MDGA2: variants seen among roughly 807,000 people sequenced by gnomAD.
MDGA2 encodes the protein MAM domain-containing glycosylphosphatidylinositol anchor protein 2.
In MDGA2, 40 loss-of-function variants were observed where a neutral mutation model predicts 117.8. The observed-to-expected ratio is 0.34, with a 90% CI of 0.26 to 0.44. The LOEUF (loss-of-function observed/expected upper bound fraction) is 0.44, where lower values mean the gene tolerates loss of function less well. Ranked by LOEUF, MDGA2 falls within the 20% of genes least tolerant of loss-of-function variation. MDGA2 has a pLI of 1.00. For missense variants in MDGA2, 1,123 were observed against 1,250.6 expected, an observed-to-expected ratio of 0.90 and a Z score of 1.54; for synonymous variants, 452 against 439.0, an observed-to-expected ratio of 1.03 and a Z score of -0.37.
rs570990590 is a variant in MDGA2 at position 47,105,981 on chromosome 14, A to AG, written c.926-8859dup. Among the ~76,000 whole-genome samples, 22 of 107,530 alleles carry AG rather than the reference A, an allele frequency of 2.0e-4. No homozygotes were observed. In the South Asian group the frequency reaches 2.6e-3, roughly 13 times the overall value. 70.5% of individuals were successfully genotyped at this position (107,530 alleles called of 152,430 possible). On this transcript the variant is annotated intron_variant, in intron 5 of 16. Coordinates refer to ENST00000399232, the MANE Select transcript of MDGA2 (RefSeq NM_001113498.3). ...AGTTTCGTTCCGTGACTAGCCGACT[A>AG]GCCCTCCCCCTCCTGCCCAGCAATT... is the stretch of plus-strand genomic sequence containing the variant.
At chr14:47,659,268 C>A (rs926207794) in intron 1 of MDGA2, among the ~76,000 whole-genome samples, 1 of 152,156 alleles carries the variant, frequency 6.6e-6, no homozygotes, top group Non-Finnish European at 1.5e-5. Flanking sequence ...TTACTATTTT[C>A]ATTATTTGCT....
chr14:47,535,727 C>A (rs971701707), intron 1 of MDGA2, among the ~76,000 whole-genome samples: 1 of 152,180 alleles, frequency 6.6e-6, no homozygotes, highest in African/African-American at 2.4e-5. Flanking sequence ...TGAAATTTTT[C>A]ATCTTCTTTA....
intron 2 of MDGA2, among the ~76,000 whole-genome samples, chr14:47,262,845 T>G (rs1280540191): frequency 1.3e-5 from 2 of 152,170 alleles, no homozygotes; most frequent in Admixed American, 6.6e-5. Context: ...TTATGAAAAT[T>G]TGGCTTTCTT....
chr14:47,098,943 G>T (rs1291432965), intron 5 of MDGA2, among the ~76,000 whole-genome samples: 1 of 151,858 alleles, frequency 6.6e-6, no homozygotes, highest in African/African-American at 2.4e-5. Flanking sequence ...TAATTTCAAA[G>T]CTCAAAAAAT....
intron 1 of MDGA2, among the ~76,000 whole-genome samples, chr14:47,325,306 C>A (rs796220774): frequency 1.1e-4 from 16 of 152,232 alleles, no homozygotes; most frequent in African/African-American, 3.4e-4. Context: ...GGAGATATCA[C>A]AACCATGAGG....
intron 1 of MDGA2, among the ~76,000 whole-genome samples, chr14:47,349,016 ACTT>A (rs1395964877): frequency 2.6e-5 from 4 of 152,204 alleles, no homozygotes; most frequent in African/African-American, 7.2e-5. Flanking sequence ...GTTTATTTGG[ACTT>A]CTTTGGCAGT....
At chr14:47,430,286 A>T (rs1208977546) in intron 1 of MDGA2, among the ~76,000 whole-genome samples, 1 of 152,100 alleles carries the variant, frequency 6.6e-6, no homozygotes, top group Non-Finnish European at 1.5e-5. Flanking sequence ...TGAGTTGATC[A>T]GAAATTATAA....
intron 2 of MDGA2, among the ~76,000 whole-genome samples, chr14:47,242,761 C>G (rs1887096937): frequency 6.6e-6 from 1 of 151,826 alleles, no homozygotes; most frequent in Non-Finnish European, 1.5e-5. Flanking sequence ...CCGAGCCTCC[C>G]CGACGAGCAC....
At chr14:47,016,718 C>A (rs1037678104) in intron 8 of MDGA2, among the ~76,000 whole-genome samples, 3 of 151,898 alleles carry the variant, frequency 2.0e-5, no homozygotes, top group African/African-American at 7.2e-5. Flanking sequence ...ATATAACTAA[C>A]ATGAGTATGT....
chr14:47,211,433 T>C, intron 3 of MDGA2, among the ~76,000 whole-genome samples: 1 of 152,120 alleles, frequency 6.6e-6, no homozygotes, highest in East Asian at 1.9e-4. Context: ...TTTCCCGCCT[T>C]AATTTTCATA....
intron 3 of MDGA2, among the ~76,000 whole-genome samples, chr14:47,182,881 A>C (rs1036521263): frequency 2.0e-5 from 3 of 152,118 alleles, no homozygotes; most frequent in African/African-American, 7.2e-5. Flanking sequence ...TTGATATTTA[A>C]ATATGGCTGG....
chr14:47,182,986 T>A (rs1263292934), intron 3 of MDGA2, among the ~76,000 whole-genome samples: 1 of 152,178 alleles, frequency 6.6e-6, no homozygotes, highest in Non-Finnish European at 1.5e-5. Context: ...GATGATAATG[T>A]CTAATTATTT....
intron 1 of MDGA2, chr14:47,343,141 G>C: frequency 8.5e-7 from 1 of 1,181,240 alleles, no homozygotes; most frequent in Non-Finnish European, 1.1e-6. Context: ...TGAAACAGCT[G>C]AGGTTACTTT....
chr14:47,190,446 T>C (rs184140205), intron 3 of MDGA2, among the ~76,000 whole-genome samples: 1 of 152,324 alleles, frequency 6.6e-6, no homozygotes, highest in Admixed American at 6.5e-5. Context: ...GGAATTTTTC[T>C]TATAATCTCC....
At chr14:46,850,756 A>T (rs1019352077) in intron 15 of MDGA2, among the ~76,000 whole-genome samples, 11 of 151,922 alleles carry the variant, frequency 7.2e-5, no homozygotes, top group Admixed American at 4.6e-4. Flanking sequence ...TAACTTAACA[A>T]TACTCTGCCA....
rs1023859588 is a variant in MDGA2, at chr14:47,613,479, T to TCTCA, written c.280+61037_280+61038insTGAG. The stretch of plus-strand genomic sequence containing the variant: ...ATTTATCTCTCTCTCTCTCTCTCTC[T>TCTCA]CACACACACACACACACACACACAC... On this transcript the variant is annotated intron_variant, in intron 1 of 16. Transcript: ENST00000399232. Among the ~76,000 whole-genome samples the TCTCA allele has an allele frequency of 4.9e-4, 69 of 141,164 alleles. No individual in the cohort carries two copies. In the South Asian group the frequency reaches 0.014, roughly 29 times the overall value. 92.6% of individuals were successfully genotyped at this position (141,164 alleles called of 152,430 possible). A position where few individuals can be genotyped will look rare whatever the true frequency, so the allele number is the denominator to read the frequency against.
At chr14:47,383,983 T>C (rs925791211) in intron 1 of MDGA2, among the ~76,000 whole-genome samples, 1 of 141,674 alleles carries the variant, frequency 7.1e-6, no homozygotes, top group African/African-American at 2.6e-5. Context: ...AATAGATAGA[T>C]GATAGATAGA....
intron 9 of MDGA2, among the ~76,000 whole-genome samples, chr14:46,942,558 T>C (rs1213346506): frequency 6.6e-6 from 1 of 152,028 alleles, no homozygotes; most frequent in African/African-American, 2.4e-5. Context: ...CCTTCGTAAT[T>C]AGTCACCTCC....
At chr14:46,952,650 AC>A (rs1375796547) in intron 9 of MDGA2, among the ~76,000 whole-genome samples, 1 of 151,962 alleles carries the variant, frequency 6.6e-6, no homozygotes, top group Non-Finnish European at 1.5e-5. Flanking sequence ...GATTAACATA[AC>A]CCTGGTAAAG....
Sources: allele counts gnomAD v4.1 joint callset (sites outside exome capture counted in the v4.1 genomes callset), GRCh38; gene constraint gnomAD v4.1.1; transcripts MANE v1.5; gene names NCBI Gene and HGNC (gene_info 2026-07-23, HGNC 2026-07-21).